DGKB: variants seen among roughly 807,000 people sequenced by gnomAD.
DGKB encodes 90 kDa diacylglycerol kinase.
DGKB carries 67 observed loss-of-function variants against 114.3 expected under a neutral mutation model. The ratio of observed to expected loss-of-function variants is 0.59; its 90% CI spans 0.48 to 0.72. The LOEUF (loss-of-function observed/expected upper bound fraction) is 0.72, where lower values mean the gene tolerates loss of function less well. Among genes scored for constraint, DGKB ranks in the 30% least tolerant of loss-of-function variants. The pLI is 0.00. For missense variants in DGKB, 907 were observed against 975.2 expected, an observed-to-expected ratio of 0.93 and a Z score of 0.93; for synonymous variants, 398 against 323.1, an observed-to-expected ratio of 1.23 and a Z score of -2.49.
At chr7:14,244,302 G>C (rs995988650) in intron 23 of DGKB, among the ~76,000 whole-genome samples, 1 of 152,210 alleles carries the variant, frequency 6.6e-6, no homozygotes, top group Admixed American at 6.5e-5. Flanking sequence ...CACTGTTATA[G>C]ACTGAATGCT....
At chr7:14,769,914 A>T (rs1837166951) in intron 2 of DGKB, among the ~76,000 whole-genome samples, 1 of 152,074 alleles carries the variant, frequency 6.6e-6, no homozygotes, top group African/African-American at 2.4e-5. Flanking sequence ...GATATATTTA[A>T]TTTGATTATA....
intron 13 of DGKB, among the ~76,000 whole-genome samples, chr7:14,642,852 C>A (rs903578787): frequency 3.3e-5 from 5 of 152,174 alleles, no homozygotes; most frequent in Non-Finnish European, 7.3e-5. Flanking sequence ...AATTTCCCAT[C>A]CTCACTTTAG....
chr7:14,861,382 A>G (rs1384400159), intron 1 of DGKB, among the ~76,000 whole-genome samples: 2 of 152,036 alleles, frequency 1.3e-5, no homozygotes, highest in East Asian at 1.9e-4. Context: ...AAAAATAAAA[A>G]CCAAAAAAAT....
intron 23 of DGKB, among the ~76,000 whole-genome samples, chr7:14,329,194 A>G (rs754580429): frequency 2.6e-5 from 4 of 151,984 alleles, no homozygotes; most frequent in Non-Finnish European, 5.9e-5. Flanking sequence ...AAATACAAGT[A>G]GATGATGAGA....
intron 13 of DGKB, among the ~76,000 whole-genome samples, chr7:14,647,779 G>A (rs1408180771): frequency 6.6e-6 from 1 of 152,176 alleles, no homozygotes; most frequent in Non-Finnish European, 1.5e-5. Flanking sequence ...GCAGGTCAGT[G>A]GTCGCGCGCA....
At chr7:14,396,455 T>A (rs1416878032) in intron 21 of DGKB, among the ~76,000 whole-genome samples, 3 of 152,122 alleles carry the variant, frequency 2.0e-5, no homozygotes, top group African/African-American at 7.2e-5. Flanking sequence ...AATTTTAGAT[T>A]CATATCAGTC....
At chr7:14,624,439 C>T (rs1357493957) in intron 14 of DGKB, among the ~76,000 whole-genome samples, 1 of 152,138 alleles carries the variant, frequency 6.6e-6, no homozygotes, top group Non-Finnish European at 1.5e-5. Context: ...TACAATGGAA[C>T]TGGGAATTTG....
intron 21 of DGKB, among the ~76,000 whole-genome samples, chr7:14,360,154 T>A (rs1057393877): frequency 6.6e-6 from 1 of 152,080 alleles, no homozygotes; most frequent in Non-Finnish European, 1.5e-5. Flanking sequence ...TGAGTTCATG[T>A]CCTTTGCAGG....
intron 23 of DGKB, among the ~76,000 whole-genome samples, chr7:14,309,558 C>G (rs1056231320): frequency 6.6e-6 from 1 of 152,126 alleles, no homozygotes; most frequent in African/African-American, 2.4e-5. Context: ...ATATCTGGAG[C>G]AATGCAATTT....
chr7:14,869,176 TA>T (rs986910918), intron 1 of DGKB, among the ~76,000 whole-genome samples: 9 of 152,126 alleles, frequency 5.9e-5, no homozygotes, highest in Middle Eastern at 6.8e-3. Flanking sequence ...AATATTACAT[TA>T]AAAAAAATTG....
At chr7:14,414,657 T>C (rs1452139280) in intron 21 of DGKB, among the ~76,000 whole-genome samples, 1 of 152,178 alleles carries the variant, frequency 6.6e-6, no homozygotes, top group Non-Finnish European at 1.5e-5. Context: ...AAAAAATATA[T>C]ACATTGAGGT....
chr7:14,640,311 A>G (rs1334722579), intron 13 of DGKB, among the ~76,000 whole-genome samples: 1 of 152,228 alleles, frequency 6.6e-6, no homozygotes, highest in Non-Finnish European at 1.5e-5. Context: ...ACTAGAATGA[A>G]AGAAATCTGA....
In DGKB at chr7:14,815,542, T is replaced by C. The variant is rs76232040; in HGVS notation, c.70+25652A>G. ...TTCATTCCACATGATTATTTTTTTC[T>C]CTTGCTTACATAGGTGCTATGGCAC... On this transcript the variant is annotated intron_variant, in intron 2 of 25. Coordinates refer to ENST00000402815, the MANE Select transcript of DGKB (RefSeq NM_001350709.2). Among the ~76,000 whole-genome samples, 373 of 152,332 alleles carry C rather than the reference T, an allele frequency of 2.4e-3. 1 individual carries two copies. Among genetic ancestry groups the C allele is most frequent in the African/African-American group, 8.6e-3 (358 of 41,570 alleles).
chr7:14,737,031 A>G (rs1198905788), intron 4 of DGKB, among the ~76,000 whole-genome samples: 3 of 152,212 alleles, frequency 2.0e-5, no homozygotes, highest in African/African-American at 7.2e-5. Flanking sequence ...GGACAAAGGC[A>G]AGAAAATGGT....
chr7:14,595,890 A>G (rs1802498741), intron 17 of DGKB, among the ~76,000 whole-genome samples: 1 of 152,078 alleles, frequency 6.6e-6, no homozygotes, highest in African/African-American at 2.4e-5. Context: ...TGATAAAGTA[A>G]ATTTTTAGTA....
chr7:14,334,910 T>C (rs933718339), intron 23 of DGKB, among the ~76,000 whole-genome samples: 2 of 152,216 alleles, frequency 1.3e-5, no homozygotes, highest in Non-Finnish European at 1.5e-5. Context: ...GCCATCTATA[T>C]ATAATACATT....
intron 21 of DGKB, among the ~76,000 whole-genome samples, chr7:14,382,160 G>C (rs1332494966): frequency 5.9e-5 from 9 of 152,166 alleles, no homozygotes; most frequent in Non-Finnish European, 1.0e-4. Flanking sequence ...AAGAAGGATC[G>C]AGTAGCTGCA....
chr7:14,252,643 C>T (rs1288731692), intron 23 of DGKB, among the ~76,000 whole-genome samples: 1 of 152,160 alleles, frequency 6.6e-6, no homozygotes, highest in Non-Finnish European at 1.5e-5. Flanking sequence ...GGCCTTGTCC[C>T]TAGGCCTTGT....
intron 1 of DGKB, among the ~76,000 whole-genome samples, chr7:14,845,451 G>A (rs1464413823): frequency 6.6e-6 from 1 of 152,080 alleles, no homozygotes; most frequent in Non-Finnish European, 1.5e-5. Context: ...TCACAAAAAG[G>A]ACAAAACACC....
Sources: allele counts gnomAD v4.1 joint callset (sites outside exome capture counted in the v4.1 genomes callset), GRCh38; gene constraint gnomAD v4.1.1; transcripts MANE v1.5; gene names NCBI Gene and HGNC (gene_info 2026-07-23, HGNC 2026-07-21).